Variants in MAF observed in about 807,000 individuals in gnomAD.
The protein encoded by MAF is MAF bZIP transcription factor, also known as transcription factor Maf.
A neutral mutation model predicts 22.0 loss-of-function variants in MAF; 10 were observed. That is an observed-to-expected ratio of 0.45 (90% CI 0.28 to 0.77). The LOEUF (loss-of-function observed/expected upper bound fraction) is 0.77, where lower values mean the gene tolerates loss of function less well. Among genes scored for constraint, MAF ranks in the 30% least tolerant of loss-of-function variants. MAF has a pLI of 0.12. For missense variants in MAF, 544 were observed against 548.4 expected (o/e 0.99, Z 0.08); for synonymous variants, 337 against 255.8 (o/e 1.32, Z -3.03).
chr16:79,569,008 G>T, the MAF span, among the ~76,000 whole-genome samples: 1 of 152,164 alleles, frequency 6.6e-6, no homozygotes, highest in African/African-American at 2.4e-5. Flanking sequence ...TCAGCTAGAA[G>T]GTTAAGCATG....
At chr16:79,259,795 G>A in the MAF span, among the ~76,000 whole-genome samples, 1 of 152,162 alleles carries the variant, frequency 6.6e-6, no homozygotes, top group Non-Finnish European at 1.5e-5. Context: ...GGCTGAGAAG[G>A]GCAACAGCAG....
the MAF span, among the ~76,000 whole-genome samples, chr16:79,389,806 C>G: frequency 1.3e-5 from 2 of 151,328 alleles, no homozygotes; most frequent in East Asian, 2.0e-4. Flanking sequence ...GAAACGCCCT[C>G]TCTACTAAAG....
At chr16:79,398,927 C>G in the MAF span, among the ~76,000 whole-genome samples, 1 of 152,170 alleles carries the variant, frequency 6.6e-6, no homozygotes, top group Non-Finnish European at 1.5e-5. Flanking sequence ...AGAACACATG[C>G]CTTGCTCCAT....
chr16:79,578,512 C>G, the MAF span, among the ~76,000 whole-genome samples: 2 of 151,938 alleles, frequency 1.3e-5, no homozygotes, highest in Non-Finnish European at 2.9e-5. Flanking sequence ...AATTCTATAG[C>G]TCTATTCATT....
the MAF span, among the ~76,000 whole-genome samples, chr16:79,556,014 A>T: frequency 0.012 from 1,461 of 119,752 alleles, 30 homozygotes; most frequent in African/African-American, 0.036. Context: ...TTGTTTTGTT[A>T]GTTTAGTTTA....
At chr16:79,427,942 T>C in the MAF span, among the ~76,000 whole-genome samples, 1 of 151,780 alleles carries the variant, frequency 6.6e-6, no homozygotes, top group Non-Finnish European at 1.5e-5. Flanking sequence ...GGAGTGTGAA[T>C]GAATAAGTGA....
chr16:79,391,588 G>A, the MAF span, among the ~76,000 whole-genome samples: 1 of 152,156 alleles, frequency 6.6e-6, no homozygotes, highest in Non-Finnish European at 1.5e-5. Flanking sequence ...ACGAAGAGAA[G>A]TAGAGCAAGG....
chr16:79,496,868 A>C, the MAF span, among the ~76,000 whole-genome samples: 1 of 152,170 alleles, frequency 6.6e-6, no homozygotes, highest in Non-Finnish European at 1.5e-5. Context: ...CAATCATGAC[A>C]AATCCCTCTG....
At chr16:79,430,085 G>C in the MAF span, among the ~76,000 whole-genome samples, 2 of 152,086 alleles carry the variant, frequency 1.3e-5, no homozygotes, top group Non-Finnish European at 2.9e-5. Flanking sequence ...CTTCATTCTG[G>C]AAGCCAAAAA....
chr16:79,214,389 T>C, the MAF span, among the ~76,000 whole-genome samples: 2 of 152,302 alleles, frequency 1.3e-5, no homozygotes, highest in East Asian at 3.9e-4. Context: ...ATTTCCATCA[T>C]TGTGACAATG....
At chr16:79,502,737 ATATATATATATATATAT>A in the MAF span, among the ~76,000 whole-genome samples, 1 of 113,588 alleles carries the variant, frequency 8.8e-6, no homozygotes, top group African/African-American at 4.8e-5. Context: ...ATATATATAT[ATATATATATATATATAT>A]AAAGACTCAT....
At chr16:79,395,838 G>A in the MAF span, among the ~76,000 whole-genome samples, 1 of 152,174 alleles carries the variant, frequency 6.6e-6, no homozygotes, top group Non-Finnish European at 1.5e-5. Flanking sequence ...AGGGAGAGGT[G>A]GTCTGGGGAT....
the MAF span, among the ~76,000 whole-genome samples, chr16:79,323,720 C>G: frequency 2.0e-5 from 3 of 152,182 alleles, no homozygotes; most frequent in Non-Finnish European, 2.9e-5. Flanking sequence ...ACTCACTCCC[C>G]TCACACCGGG....
At chr16:79,400,831 T>A in the MAF span, among the ~76,000 whole-genome samples, 1 of 152,248 alleles carries the variant, frequency 6.6e-6, no homozygotes, top group African/African-American at 2.4e-5. Flanking sequence ...CCTTTTGTTA[T>A]TGGGAATGAA....
the MAF span, among the ~76,000 whole-genome samples, chr16:79,275,027 T>C: frequency 1.3e-5 from 2 of 152,204 alleles, no homozygotes; most frequent in African/African-American, 2.4e-5. Context: ...ATATACAGAA[T>C]GGACAAAATA....
At chr16:79,345,381 T>C in the MAF span, among the ~76,000 whole-genome samples, 25 of 152,110 alleles carry the variant, frequency 1.6e-4, 1 homozygote, top group Admixed American at 1.6e-3. Context: ...AATAATAACA[T>C]GCTAACAATA....
At chr16:79,538,914 A>G in the MAF span, among the ~76,000 whole-genome samples, 5 of 152,022 alleles carry the variant, frequency 3.3e-5, no homozygotes, top group Admixed American at 2.6e-4. Context: ...AAAGAAAAAG[A>G]AATCACCCAG....
At chr16:79,566,751 G>A in the MAF span, among the ~76,000 whole-genome samples, 1 of 152,152 alleles carries the variant, frequency 6.6e-6, no homozygotes, top group Non-Finnish European at 1.5e-5. Context: ...GGGCCCTAAG[G>A]AACCTCCAGT....
intron 1 of MAF, chr16:79,596,043 T>C (rs1597843199): frequency 1.9e-6 from 2 of 1,061,872 alleles, no homozygotes; most frequent in Non-Finnish European, 2.3e-6. Context: ...TCAACTTTAG[T>C]GAAAAGGCAA....
Sources: gnomAD v4.1 joint callset for allele counts (sites outside exome capture counted in the v4.1 genomes callset) on GRCh38, gnomAD v4.1.1 for gene constraint, MANE v1.5 for transcripts, NCBI Gene and HGNC (gene_info 2026-07-23, HGNC 2026-07-21) for gene names.